Variants in ZBTB20 observed in about 807,000 individuals in gnomAD.
ZBTB20 encodes zinc finger and BTB domain containing 20.
A neutral mutation model predicts 56.9 loss-of-function variants in ZBTB20; 9 were observed. The ratio of observed to expected loss-of-function variants is 0.16; its 90% CI spans 0.10 to 0.28. The LOEUF is 0.28. Ranked by LOEUF, ZBTB20 falls within the 10% of genes least tolerant of loss-of-function variation. The pLI is 1.00. For synonymous variants in ZBTB20, 417 were observed against 420.7 expected (o/e 0.99, Z 0.11); for missense variants, 655 against 1,003.0 (o/e 0.65, Z 4.69).
At chr3:114,996,886 T>C (rs763238464) in intron 2 of ZBTB20, among the ~76,000 whole-genome samples, 1 of 151,846 alleles carries the variant, frequency 6.6e-6, no homozygotes, top group Admixed American at 6.6e-5. Flanking sequence ...AAAAAAAAGC[T>C]CATCATCACT....
At chr3:115,094,876 C>T (rs969938219) in intron 1 of ZBTB20, among the ~76,000 whole-genome samples, 3 of 151,848 alleles carry the variant, frequency 2.0e-5, no homozygotes, top group African/African-American at 4.8e-5. Flanking sequence ...GTATAAGATT[C>T]GTAATTATTA....
At chr3:114,916,180 T>A (rs1359137805) in intron 3 of ZBTB20, among the ~76,000 whole-genome samples, 1 of 152,026 alleles carries the variant, frequency 6.6e-6, no homozygotes, top group Admixed American at 6.6e-5. Context: ...TGTACTGGGG[T>A]CTATCTCTCT....
chr3:114,361,249 T>C (rs2081845467), intron 10 of ZBTB20, among the ~76,000 whole-genome samples: 1 of 152,208 alleles, frequency 6.6e-6, no homozygotes, highest in South Asian at 2.1e-4. Flanking sequence ...ATTACATTCA[T>C]TTTTACTTCT....
chr3:114,991,322 TTTCA>T (rs1329192294), intron 2 of ZBTB20, among the ~76,000 whole-genome samples: 4 of 152,182 alleles, frequency 2.6e-5, no homozygotes, highest in South Asian at 2.1e-4. Flanking sequence ...TTCTCATTGG[TTTCA>T]AAGAACATCT....
chr3:115,032,673 G>A (rs537538244), intron 2 of ZBTB20, among the ~76,000 whole-genome samples: 3 of 151,404 alleles, frequency 2.0e-5, no homozygotes, highest in Admixed American at 2.0e-4. Flanking sequence ...GATTTAAATA[G>A]ACAAATATCA....
At chr3:114,782,190 T>C (rs921307937) in intron 5 of ZBTB20, among the ~76,000 whole-genome samples, 4 of 152,224 alleles carry the variant, frequency 2.6e-5, no homozygotes, top group African/African-American at 7.2e-5. Flanking sequence ...ACCTGCTGCT[T>C]TGTAATGATT....
At chr3:114,398,633 G>A (rs2086546370) in intron 7 of ZBTB20, among the ~76,000 whole-genome samples, 1 of 152,100 alleles carries the variant, frequency 6.6e-6, no homozygotes, top group South Asian at 2.1e-4. Flanking sequence ...AAATAATCTA[G>A]GAACATCAAG....
intron 3 of ZBTB20, among the ~76,000 whole-genome samples, chr3:114,937,434 T>TC (rs1560417676): frequency 2.8e-4 from 43 of 151,886 alleles, no homozygotes; most frequent in African/African-American, 9.7e-4. Flanking sequence ...TCTTCTTTTT[T>TC]TTTTTTAGAT....
chr3:114,523,453 AG>A (rs2046867624), intron 6 of ZBTB20, among the ~76,000 whole-genome samples: 1 of 152,172 alleles, frequency 6.6e-6, no homozygotes. Context: ...ATGGTTTATA[AG>A]GGTATTTTTA....
chr3:115,028,630 A>G (rs1427945519), intron 2 of ZBTB20, among the ~76,000 whole-genome samples: 1 of 146,946 alleles, frequency 6.8e-6, no homozygotes, highest in Non-Finnish European at 1.5e-5. Context: ...GTTAAATATA[A>G]CAATATATTA....
chr3:114,499,639 C>CT (rs1226583275), intron 7 of ZBTB20, among the ~76,000 whole-genome samples: 1 of 152,166 alleles, frequency 6.6e-6, no homozygotes, highest in Non-Finnish European at 1.5e-5. Flanking sequence ...CTTTTTCAAG[C>CT]AGTTCAAAAT....
At chr3:114,721,744 T>C (rs1340720351) in intron 5 of ZBTB20, among the ~76,000 whole-genome samples, 1 of 152,206 alleles carries the variant, frequency 6.6e-6, no homozygotes, top group Non-Finnish European at 1.5e-5. Context: ...TGGTGGATTA[T>C]ATATGACAAG....
chr3:114,343,320 T>C (rs1449281844), intron 11 of ZBTB20, among the ~76,000 whole-genome samples: 3 of 152,116 alleles, frequency 2.0e-5, no homozygotes, highest in Non-Finnish European at 4.4e-5. Context: ...CTGATTTTTT[T>C]CCCCTCATTT....
At chr3:114,520,037 G>C (rs1042146825) in intron 6 of ZBTB20, 1 of 151,788 alleles carries the variant, frequency 6.6e-6, no homozygotes, top group African/African-American at 2.4e-5. Context: ...AAGAATCTCA[G>C]AGAGCAATAA....
intron 6 of ZBTB20, among the ~76,000 whole-genome samples, chr3:114,570,949 T>C (rs1426248426): frequency 6.6e-6 from 1 of 152,214 alleles, no homozygotes; most frequent in Non-Finnish European, 1.5e-5. Flanking sequence ...GTATGATTTA[T>C]GTTGTTCTAC....
chr3:114,851,317 A>G (rs2074988510), intron 4 of ZBTB20, among the ~76,000 whole-genome samples: 1 of 152,244 alleles, frequency 6.6e-6, no homozygotes, highest in Non-Finnish European at 1.5e-5. Flanking sequence ...ATACACACAC[A>G]GGTATACACA....
intron 6 of ZBTB20, among the ~76,000 whole-genome samples, chr3:114,524,043 A>G (rs1189038165): frequency 6.6e-6 from 1 of 152,222 alleles, no homozygotes; most frequent in Non-Finnish European, 1.5e-5. Flanking sequence ...AGATTTGTCA[A>G]GAGAGCACAG....
chr3:114,683,604 TA>T (rs2062124592), intron 6 of ZBTB20, among the ~76,000 whole-genome samples: 1 of 151,960 alleles, frequency 6.6e-6, no homozygotes, highest in Admixed American at 6.6e-5. Flanking sequence ...GCTCCAGAGG[TA>T]GACATTATAA....
rs147593083 is a variant in ZBTB20, at chr3:114,476,612, C to A, written c.-255+23740G>T. ...AGAGAGCAAGAAGGAGCCAAACTCACTTCTATAATGAACCCACTCTCATGA... is the reference window on the plus strand; with the variant it reads ...AGAGAGCAAGAAGGAGCCAAACTCAATTCTATAATGAACCCACTCTCATGA... On this transcript the variant is annotated intron_variant, in intron 7 of 11. Coordinates refer to ENST00000675478, the MANE Select transcript of ZBTB20 (RefSeq NM_001348800.3). Among the ~76,000 whole-genome samples, 171 of 152,246 alleles carry A rather than the reference C, an allele frequency of 1.1e-3. 1 individual carries two copies. Among genetic ancestry groups the A allele is most frequent in the East Asian group, 6.7e-3 (35 of 5,190 alleles).
Sources: allele counts gnomAD v4.1 joint callset (sites outside exome capture counted in the v4.1 genomes callset), GRCh38; gene constraint gnomAD v4.1.1; transcripts MANE v1.5; gene names NCBI Gene and HGNC (gene_info 2026-07-23, HGNC 2026-07-21).